The following KLHL31 variants were observed in gnomAD, a reference collection of about 807,000 sequenced individuals.
KLHL31 encodes the protein kelch like family member 31, also known as kelch-like protein 31.
Under a neutral mutation model 47.1 loss-of-function variants are expected in KLHL31, and 32 were observed. The observed-to-expected ratio is 0.68, with a 90% CI of 0.51 to 0.91. KLHL31 has a LOEUF of 0.91. Among genes scored for constraint, KLHL31 ranks in the 40% least tolerant of loss-of-function variants. The pLI is 0.00. For synonymous variants in KLHL31, 330 were observed against 325.1 expected (o/e 1.01, Z -0.16); for missense variants, 797 against 819.3 (o/e 0.97, Z 0.33).
At chr6:53,656,840 T>C (rs537408360) in intron 1 of KLHL31, among the ~76,000 whole-genome samples, 32 of 150,608 alleles carry the variant, frequency 2.1e-4, no homozygotes, top group Non-Finnish European at 4.1e-4. Context: ...AAGAAAAGAC[T>C]GAAATATCAG....
At chr6:53,662,252 A>G (rs939054052) in intron 1 of KLHL31, among the ~76,000 whole-genome samples, 1 of 152,146 alleles carries the variant, frequency 6.6e-6, no homozygotes, top group Non-Finnish European at 1.5e-5. Flanking sequence ...CTGGCTGCCT[A>G]AGGGGGGCTC....
intron 1 of KLHL31, among the ~76,000 whole-genome samples, chr6:53,660,078 A>G (rs897191384): frequency 2.6e-5 from 4 of 151,950 alleles, no homozygotes; most frequent in African/African-American, 9.7e-5. Context: ...ATCCGAGCTA[A>G]CCAGTTAATG....
chr6:53,661,176 TG>T (rs1469310529), intron 1 of KLHL31, among the ~76,000 whole-genome samples: 2 of 152,238 alleles, frequency 1.3e-5, no homozygotes, highest in Admixed American at 6.5e-5. Context: ...CGAAAGCCAC[TG>T]CTTTTCTCAA....
intron 1 of KLHL31, among the ~76,000 whole-genome samples, chr6:53,661,397 GCAAA>G (rs779831152): frequency 7.2e-5 from 11 of 152,100 alleles, no homozygotes; most frequent in South Asian, 6.2e-4. Flanking sequence ...CACACTGGGT[GCAAA>G]CAAACACACA....
At chr6:53,656,889 C>T (rs78450527) in intron 1 of KLHL31, among the ~76,000 whole-genome samples, 12,871 of 148,014 alleles carry the variant, frequency 0.087, 655 homozygotes, top group Non-Finnish European at 0.11. Flanking sequence ...AAACTGACTC[C>T]TTAAAAGGCA....
At chr6:53,657,833 G>A (rs546598071) in intron 1 of KLHL31, among the ~76,000 whole-genome samples, 104 of 152,114 alleles carry the variant, frequency 6.8e-4, no homozygotes, top group African/African-American at 2.5e-3. Context: ...AAATAGAGAT[G>A]GTCTAATTCT....
At chr6:53,654,070 C>T (rs878922677) in intron 2 of KLHL31, 31 bp downstream of exon 2, 2 of 1,531,296 alleles carry the variant, frequency 1.3e-6, no homozygotes, top group South Asian at 2.5e-5. Context: ...TAATATTGAG[C>T]CATTTCAGTT....
chr6:53,660,400 AT>A (rs1485179924), intron 1 of KLHL31, among the ~76,000 whole-genome samples: 2 of 152,150 alleles, frequency 1.3e-5, no homozygotes, highest in African/African-American at 2.4e-5. Context: ...GTATTTATAT[AT>A]TTTTTTAATG....
rs1168296616 is a variant in KLHL31, at chr6:53,655,112, G to C, written c.161C>G (p.Ser54Cys). The C allele has an allele frequency of 1.2e-6, 2 of 1,614,066 alleles. No individual in the cohort carries two copies. Among genetic ancestry groups the C allele is most frequent in the African/African-American group, 2.7e-5 (2 of 74,942 alleles). Reference sequence around the variant, plus strand: ...ACCTTCCAAGAGGTTGGGGCCATAAGAAGCATCTGTTAGTTCAGAAGAAAT... The same window carrying C: ...ACCTTCCAAGAGGTTGGGGCCATAACAAGCATCTGTTAGTTCAGAAGAAAT... ...SCISSELTDA[S>C]YGPNLLEGLS... Residue 54 changes from serine (S) to cysteine (C), a missense_variant, in exon 2 of 3, where the codon TCT becomes TGT. Coordinates refer to ENST00000370905, the MANE Select transcript of KLHL31 (RefSeq NM_001003760.5).
chr6:53,651,589 T>C lies in KLHL31; in HGVS notation c.*9A>G, dbSNP rs1764465536. On this transcript the variant is annotated 3_prime_UTR_variant, in exon 3 of 3. Transcript: ENST00000370905. ...CGTGTTCTTCCTGCGTCCCTGCATC[T>C]ACCTGGGCTCAGATACTGACTGGCA... 1.2e-6 allele frequency: 2 copies of C among 1,603,200 alleles called. No individual in the cohort carries two copies. The highest frequency in any genetic ancestry group is 2.7e-5 in the African/African-American group (2 of 74,800).
At chr6:53,665,041 A>G (rs1469712504) in intron 1 of KLHL31, among the ~76,000 whole-genome samples, 1 of 150,468 alleles carries the variant, frequency 6.6e-6, no homozygotes, top group Non-Finnish European at 1.5e-5. Flanking sequence ...TAGCCAAATA[A>G]CAAATTTTTT....
intron 1 of KLHL31, among the ~76,000 whole-genome samples, chr6:53,660,081 A>T (rs2127370188): frequency 6.6e-6 from 1 of 152,110 alleles, no homozygotes; most frequent in South Asian, 2.1e-4. Context: ...CGAGCTAACC[A>T]GTTAATGGGC....
In KLHL31 at chr6:53,650,555, G is replaced by C. The variant is rs1764449187; in HGVS notation, c.*1043C>G. 6.6e-6 allele frequency: 1 copy of C among 152,230 alleles called. No individual in the cohort carries two copies. The highest frequency in any genetic ancestry group is 1.9e-4 in the East Asian group (1 of 5,182). The allele number at this position is 152,230 out of a possible 1,614,324, so 9.4% of individuals were successfully genotyped here. A position where few individuals can be genotyped will look rare whatever the true frequency, so the allele number is the denominator to read the frequency against. ...ACTACCAAATCTACAAATTCCAAATGTTTCTATCATTCTTATCATATAAAA... is the reference window on the plus strand; with the variant it reads ...ACTACCAAATCTACAAATTCCAAATCTTTCTATCATTCTTATCATATAAAA... On this transcript the variant is annotated 3_prime_UTR_variant, in exon 3 of 3. Transcript: ENST00000370905.
At chr6:53,652,469 C>T (rs1327033254) in intron 2 of KLHL31, 139 bp from the exon 3 acceptor site, 3 of 1,000,470 alleles carry the variant, frequency 3.0e-6, no homozygotes, top group Non-Finnish European at 4.4e-6. Flanking sequence ...CACCTGGAGG[C>T]TGGAGTTTCT....
At chr6:53,660,811 T>C (rs1287183828) in intron 1 of KLHL31, among the ~76,000 whole-genome samples, 2 of 152,216 alleles carry the variant, frequency 1.3e-5, no homozygotes, top group African/African-American at 4.8e-5. Flanking sequence ...AGCGAGACTC[T>C]GTCTCAAGAA....
chr6:53,661,926 AT>A (rs1166150318), intron 1 of KLHL31, among the ~76,000 whole-genome samples: 1 of 152,146 alleles, frequency 6.6e-6, no homozygotes, highest in Non-Finnish European at 1.5e-5. Context: ...TTCAATTGAT[AT>A]TTTAACTTTG....
chr6:53,663,458 TA>T (rs1252646884), intron 1 of KLHL31, among the ~76,000 whole-genome samples: 1 of 152,170 alleles, frequency 6.6e-6, no homozygotes, highest in South Asian at 2.1e-4. Context: ...GTAAGCCAAA[TA>T]AATAGGGACA....
rs1764539219 is a variant in KLHL31, at chr6:53,655,090, T to A, written c.183A>T (p.Glu61Asp). 6.2e-7 allele frequency: 1 copy of A among 1,614,060 alleles called. No individual in the cohort carries two copies. The highest frequency in any genetic ancestry group is 8.5e-7 in the Non-Finnish European group (1 of 1,179,986). ...TCTCCTGCCGCATTTTACTTAAACCTTCCAAGAGGTTGGGGCCATAAGAAG... is the reference window on the plus strand; with the variant it reads ...TCTCCTGCCGCATTTTACTTAAACCATCCAAGAGGTTGGGGCCATAAGAAG... ...TDASYGPNLL[E>D]GLSKMRQENF... Residue 61 changes from glutamate to aspartate, a missense_variant, in exon 2 of 3, where the codon GAA (glutamate) becomes GAT (aspartate). Coordinates refer to ENST00000370905, the MANE Select transcript of KLHL31 (RefSeq NM_001003760.5).
chr6:53,662,354 C>T (rs9367539), intron 1 of KLHL31, among the ~76,000 whole-genome samples: 16,597 of 152,156 alleles, frequency 0.11, 1,137 homozygotes, highest in East Asian at 0.22. Context: ...ACTGTTCCTG[C>T]CAGTAGGAAT....
Sources: allele counts gnomAD v4.1 joint callset (sites outside exome capture counted in the v4.1 genomes callset), GRCh38; gene constraint gnomAD v4.1.1; transcripts MANE v1.5; gene names NCBI Gene and HGNC (gene_info 2026-07-23, HGNC 2026-07-21).